Variants in LPAR6 observed in about 807,000 individuals in gnomAD.
The protein encoded by LPAR6 is lysophosphatidic acid receptor 6.
Under a neutral mutation model 22.0 loss-of-function variants are expected in LPAR6, and 17 were observed. The observed-to-expected ratio is 0.77, with a 90% CI of 0.53 to 1.16. The LOEUF (loss-of-function observed/expected upper bound fraction) is 1.16. Among genes scored for constraint, LPAR6 ranks in the 50% most tolerant of loss-of-function variants. The probability of loss-of-function intolerance (pLI) is 0.00; values close to 1 mark genes in which losing one functional copy is unlikely to be tolerated. For missense variants in LPAR6, 384 were observed against 406.9 expected (o/e 0.94, Z 0.48); for synonymous variants, 136 against 139.8 (o/e 0.97, Z 0.19).
At chr13:48,397,221 A>G (rs1421993293) in intron 1 of LPAR6, among the ~76,000 whole-genome samples, 1 of 152,234 alleles carries the variant, frequency 6.6e-6, no homozygotes, top group African/African-American at 2.4e-5. Flanking sequence ...ACTATTCACA[A>G]TAGCAAAGAC....
rs114307859 is a variant in LPAR6 at position 48,425,210 on chromosome 13, A to G, written c.-1095+1649T>C. Among the ~76,000 whole-genome samples, 960 of 152,332 alleles carry G rather than the reference A, an allele frequency of 6.3e-3. 11 individuals are homozygous for G. The highest frequency in any genetic ancestry group is 0.022 in the African/African-American group (913 of 41,572). ...AATGAAGGCTAGCCTTTACAGTTGAATACAAATTTTAAATTTCAGGTCTTG... is the reference window on the plus strand; with the variant it reads ...AATGAAGGCTAGCCTTTACAGTTGAGTACAAATTTTAAATTTCAGGTCTTG... On this transcript the variant is annotated intron_variant, in intron 1 of 4. Coordinates refer to the LPAR6 transcript ENST00000345941.
At chr13:48,414,927 G>A (rs570085290), upstream of LPAR6, among the ~76,000 whole-genome samples, 1 of 152,190 alleles carries the variant, frequency 6.6e-6, no homozygotes, top group Non-Finnish European at 1.5e-5. Flanking sequence ...AATGAAAAAA[G>A]GAGTGGTTAA....
chr13:48,429,585 GAACTAAA>G (rs1949109336), upstream of LPAR6: 1 of 149,808 alleles, frequency 6.7e-6, no homozygotes, highest in Non-Finnish European at 1.5e-5. Context: ...AAACAACTTA[GAACTAAA>G]AAAAAAACAA....
intron 1 of LPAR6, among the ~76,000 whole-genome samples, chr13:48,441,597 A>C (rs1949237307): frequency 6.6e-6 from 1 of 152,184 alleles, no homozygotes. Context: ...GCAAAACCCA[A>C]AAAACCAATA....
chr13:48,424,823 C>T (rs1408772694), intron 1 of LPAR6, among the ~76,000 whole-genome samples: 1 of 152,038 alleles, frequency 6.6e-6, no homozygotes, highest in Non-Finnish European at 1.5e-5. Context: ...GAGGCCAAGG[C>T]GGGCAGACCT....
upstream of LPAR6, among the ~76,000 whole-genome samples, chr13:48,413,446 A>G (rs1281327249): frequency 6.6e-6 from 1 of 152,244 alleles, no homozygotes; most frequent in Non-Finnish European, 1.5e-5. Context: ...GGATATGACA[A>G]TTTAGAAAAG....
intron 1 of LPAR6, among the ~76,000 whole-genome samples, chr13:48,399,753 TA>T (rs1484188121): frequency 1.3e-5 from 2 of 152,004 alleles, no homozygotes; most frequent in Non-Finnish European, 2.9e-5. Flanking sequence ...ATTTTAAACA[TA>T]AAATCATTTT....
downstream of LPAR6, chr13:48,408,875 C>A (rs1205861778): frequency 6.6e-6 from 1 of 151,992 alleles, no homozygotes; most frequent in Non-Finnish European, 1.5e-5. Flanking sequence ...TATGATCTTG[C>A]CTTAAGTTGA....
chr13:48,406,934 T>C (rs936412325), downstream of LPAR6, among the ~76,000 whole-genome samples: 2 of 152,220 alleles, frequency 1.3e-5, no homozygotes, highest in Non-Finnish European at 2.9e-5. Context: ...ACCCTGGCGC[T>C]ACATTAATTT....
At chr13:48,423,492 G>C (rs530863768) in intron 1 of LPAR6, among the ~76,000 whole-genome samples, 2 of 152,212 alleles carry the variant, frequency 1.3e-5, no homozygotes, top group East Asian at 1.9e-4. Flanking sequence ...TCTGTAAAAG[G>C]CTTCCCTTTA....
intron 1 of LPAR6, among the ~76,000 whole-genome samples, chr13:48,437,425 C>A (rs911967311): frequency 6.6e-5 from 10 of 152,164 alleles, no homozygotes; most frequent in Admixed American, 6.5e-4. Context: ...GAACAACTAA[C>A]ATTTATTATC....
chr13:48,406,375 TAAAAAA>T (rs1948739897), downstream of LPAR6, among the ~76,000 whole-genome samples: 1 of 152,162 alleles, frequency 6.6e-6, no homozygotes, highest in African/African-American at 2.4e-5. Flanking sequence ...CACCATCATT[TAAAAAA>T]GAATTTCTCC....
At chr13:48,439,640 A>G (rs1310763405) in intron 1 of LPAR6, 1 of 152,198 alleles carries the variant, frequency 6.6e-6, no homozygotes, top group Non-Finnish European at 1.5e-5. Context: ...ATGCTGGGAA[A>G]AAGAGAAACA....
chr13:48,406,427 A>T (rs570379317), downstream of LPAR6: 2 of 152,328 alleles, frequency 1.3e-5, no homozygotes, highest in Admixed American at 1.3e-4. Context: ...ATCAGAAAAA[A>T]AGGATAAGAA....
intron 2 of LPAR6, among the ~76,000 whole-genome samples, chr13:48,422,228 GA>G (rs1353998363): frequency 6.6e-5 from 10 of 152,272 alleles, no homozygotes; most frequent in African/African-American, 2.2e-4. Flanking sequence ...GGACATGGAT[GA>G]AGCTGGAAAC....
chr13:48,410,251 T>C (rs2138195182), downstream of LPAR6, among the ~76,000 whole-genome samples: 1 of 152,358 alleles, frequency 6.6e-6, no homozygotes, highest in Non-Finnish European at 1.5e-5. Flanking sequence ...TACTATATTT[T>C]TACTGTACCT....
intron 2 of LPAR6, among the ~76,000 whole-genome samples, chr13:48,418,127 G>A (rs1470815205): frequency 6.6e-6 from 1 of 152,156 alleles, no homozygotes; most frequent in Non-Finnish European, 1.5e-5. Flanking sequence ...AAAGCAGCCA[G>A]AGAGAAAGGT....
At chr13:48,433,411 G>A (rs187857324) in intron 1 of LPAR6, among the ~76,000 whole-genome samples, 2 of 152,052 alleles carry the variant, frequency 1.3e-5, no homozygotes, top group Admixed American at 1.3e-4. Flanking sequence ...ATTTGAAGAA[G>A]AGAATTGGGA....
intron 1 of LPAR6, among the ~76,000 whole-genome samples, chr13:48,393,919 C>T (rs1948629256): frequency 1.3e-5 from 2 of 152,144 alleles, no homozygotes; most frequent in South Asian, 4.1e-4. Context: ...AAGTACTTGG[C>T]CAACATACTT....
Sources: allele counts gnomAD v4.1 joint callset (sites outside exome capture counted in the v4.1 genomes callset), GRCh38; gene constraint gnomAD v4.1.1; transcripts MANE v1.5; gene names NCBI Gene and HGNC (gene_info 2026-07-23, HGNC 2026-07-21).